The following PCSK5 variants were observed in gnomAD, a reference collection of about 807,000 sequenced individuals.
PCSK5 encodes proprotein convertase subtilisin/kexin type 5.
Under a neutral mutation model 233.2 loss-of-function variants are expected in PCSK5, and 129 were observed. The observed-to-expected ratio is 0.55, with a 90% CI of 0.48 to 0.64. The LOEUF (loss-of-function observed/expected upper bound fraction) is 0.64, where lower values mean the gene tolerates loss of function less well. Ranked by LOEUF, PCSK5 falls within the 30% of genes least tolerant of loss-of-function variation. The pLI is 0.00. For synonymous variants in PCSK5, 825 were observed against 879.2 expected, an observed-to-expected ratio of 0.94 and a Z score of 1.09; for missense variants, 2,076 against 2,430.1, an observed-to-expected ratio of 0.85 and a Z score of 3.06.
intron 3 of PCSK5, among the ~76,000 whole-genome samples, chr9:75,989,810 A>G (rs1304341344): frequency 2.0e-5 from 3 of 151,898 alleles, no homozygotes; most frequent in Non-Finnish European, 4.4e-5. Flanking sequence ...GAAGTCACAG[A>G]CCCTTATTTC....
intron 8 of PCSK5, among the ~76,000 whole-genome samples, chr9:76,102,195 T>C (rs1481465596): frequency 1.3e-5 from 2 of 152,208 alleles, no homozygotes; most frequent in African/African-American, 4.8e-5. Context: ...TTTTTTTCTT[T>C]TGCTGCTATT....
intron 10 of PCSK5, among the ~76,000 whole-genome samples, chr9:76,151,341 T>A (rs1157055385): frequency 6.6e-6 from 1 of 152,200 alleles, no homozygotes; most frequent in Admixed American, 6.5e-5. Context: ...CCTTTTATTC[T>A]GGTGGTTTAC....
chr9:76,097,310 A>G (rs1831573647), intron 8 of PCSK5, among the ~76,000 whole-genome samples: 1 of 112,148 alleles, frequency 8.9e-6, no homozygotes. Context: ...GGGACTGCGG[A>G]CTGCAGTGGC....
In PCSK5 at chr9:76,053,232, G is replaced by C. The variant is rs73454504; in HGVS notation, c.633-14723G>C. 2.3e-3 allele frequency among the ~76,000 whole-genome samples: 346 copies of C among 152,202 alleles called. 2 individuals are homozygous for C. Among genetic ancestry groups the C allele is most frequent in the African/African-American group, 7.9e-3 (328 of 41,542 alleles). On this transcript the variant is annotated intron_variant, in intron 5 of 37. Coordinates refer to ENST00000674117, the MANE Select transcript of PCSK5 (RefSeq NM_001372043.1). Reference sequence around the variant, plus strand: ...AGTGCCCCAGTAGGGACACTCTTTTGGGGGGGCTCCCACCCCACATTTCCC... The same window carrying C: ...AGTGCCCCAGTAGGGACACTCTTTTCGGGGGGCTCCCACCCCACATTTCCC...
intron 5 of PCSK5, among the ~76,000 whole-genome samples, chr9:76,054,964 T>C (rs1587558826): frequency 6.6e-6 from 1 of 152,242 alleles, no homozygotes; most frequent in Non-Finnish European, 1.5e-5. Flanking sequence ...TAGTGATCTA[T>C]TATTACTCAA....
At chr9:76,207,144 A>G (rs1825149869) in intron 20 of PCSK5, among the ~76,000 whole-genome samples, 1 of 152,088 alleles carries the variant, frequency 6.6e-6, no homozygotes, top group South Asian at 2.1e-4. Context: ...AACACTTGTG[A>G]TTATATTGGT....
intron 4 of PCSK5, among the ~76,000 whole-genome samples, chr9:76,025,400 G>GGA (rs34224740): frequency 1.5e-3 from 224 of 148,606 alleles, no homozygotes; most frequent in Middle Eastern, 3.5e-3. Flanking sequence ...AAAAAAATGA[G>GGA]GAGAGAGAGA....
At chr9:76,089,773 C>T (rs1181202096) in intron 7 of PCSK5, among the ~76,000 whole-genome samples, 1 of 152,142 alleles carries the variant, frequency 6.6e-6, no homozygotes, top group Non-Finnish European at 1.5e-5. Flanking sequence ...AATTTAGTTC[C>T]ATCATAGACT....
intron 24 of PCSK5, among the ~76,000 whole-genome samples, chr9:76,275,007 TC>T (rs1278664248): frequency 4.6e-5 from 7 of 152,018 alleles, no homozygotes; most frequent in African/African-American, 1.7e-4. Flanking sequence ...ACTCACTCAT[TC>T]CCAAGAGGAC....
chr9:75,998,566 C>A (rs1827123538), intron 3 of PCSK5, among the ~76,000 whole-genome samples: 1 of 152,158 alleles, frequency 6.6e-6, no homozygotes, highest in South Asian at 2.1e-4. Context: ...TGGGTGATTC[C>A]ACTCAAAAAC....
rs1344734425 is a variant in PCSK5 at position 76,362,364 on chromosome 9, T to G, written c.*3442T>G. On this transcript the variant is annotated 3_prime_UTR_variant, in exon 38 of 38. Transcript: ENST00000674117. ...AGATAATGCTATGGAGACTTACTTA[T>G]TAAATAACTTTCTGAGCATTTTTAT... The G allele has an allele frequency of 6.6e-6, 1 of 152,230 alleles. No homozygotes were observed. The highest frequency in any genetic ancestry group is 1.5e-5 in the Non-Finnish European group (1 of 68,042). The allele number at this position is 152,230 out of a possible 1,614,324, so 9.4% of individuals were successfully genotyped here. A position where few individuals can be genotyped will look rare whatever the true frequency, so the allele number is the denominator to read the frequency against.
chr9:75,894,094 T>G (rs1461804234), intron 1 of PCSK5, among the ~76,000 whole-genome samples: 1 of 152,170 alleles, frequency 6.6e-6, no homozygotes, highest in African/African-American at 2.4e-5. Flanking sequence ...GAATGTTCTG[T>G]TTTTTACCCA....
intron 24 of PCSK5, among the ~76,000 whole-genome samples, chr9:76,258,899 C>A (rs1827067071): frequency 6.6e-6 from 1 of 152,140 alleles, no homozygotes; most frequent in African/African-American, 2.4e-5. Flanking sequence ...TGCCATGGTG[C>A]ACGTGGCTAA....
rs143197087 is a variant in PCSK5, at chr9:76,181,469, A to G, written c.2075A>G (p.Asn692Ser). The change falls in exon 16 of 38, where the codon AAC (asparagine) becomes AGC (serine). Residue 692 changes from asparagine to serine, a missense_variant. By Grantham distance (46) the Asn-to-Ser change is conservative (BLOSUM62 1). Transcript: ENST00000674117. Reference sequence around the variant, plus strand: ...AAGCGCTGCAGGAAGTGTGCCCCCAACTGTGAGTCCTGCTTTGGGAGCCAT... The same window carrying G: ...AAGCGCTGCAGGAAGTGTGCCCCCAGCTGTGAGTCCTGCTTTGGGAGCCAT... ...DKKRCRKCAP[N>S]CESCFGSHGD... 1 of 1,613,892 alleles carries G rather than the reference A, an allele frequency of 6.2e-7. No individual in the cohort carries two copies. The highest frequency in any genetic ancestry group is 1.3e-5 in the African/African-American group (1 of 74,878).
rs181932152 is a variant in PCSK5, at chr9:76,348,788, C to T, written c.4967-2040C>T. 3.2e-3 allele frequency among the ~76,000 whole-genome samples: 481 copies of T among 152,046 alleles called. 3 individuals carry two copies. The highest frequency in any genetic ancestry group is 0.011 in the African/African-American group (462 of 41,462). ...CTTTATACCCTTTGACCAGCATCTCCCCAGTCCCCTCAGCCCCCCAGCCCC... is the reference window on the plus strand; with the variant it reads ...CTTTATACCCTTTGACCAGCATCTCTCCAGTCCCCTCAGCCCCCCAGCCCC... On this transcript the variant is annotated intron_variant, in intron 35 of 37. Coordinates refer to ENST00000674117, the MANE Select transcript of PCSK5 (RefSeq NM_001372043.1).
In PCSK5 at chr9:76,358,863, G is replaced by C. The variant is rs768105053; in HGVS notation, c.5605G>C (p.Asp1869His). ...CCGGAAATTTAAATATGGGCTGCTG[G>C]ATGACGATGACATAGATGAGCTGGA... ...VYRKFKYGLLDDDDIDELEYD... is the reference protein window; with the variant it reads ...VYRKFKYGLLHDDDIDELEYD... Residue 1869 changes from aspartate (D) to histidine (H), a missense_variant, in exon 38 of 38, where the codon GAT becomes CAT. Around this residue, in one of 6 missense-constraint regions of PCSK5, gnomAD observed 1,510 missense variants for 1,538.1 expected, o/e 0.98. Coordinates refer to ENST00000674117, the MANE Select transcript of PCSK5 (RefSeq NM_001372043.1). The C allele has an allele frequency of 1.2e-6, 2 of 1,612,886 alleles. No homozygotes were observed. Among genetic ancestry groups the C allele is most frequent in the Non-Finnish European group, 1.7e-6 (2 of 1,179,892 alleles).
intron 12 of PCSK5, among the ~76,000 whole-genome samples, chr9:76,165,462 G>T (rs766782581): frequency 1.1e-4 from 17 of 152,278 alleles, no homozygotes; most frequent in Non-Finnish European, 2.2e-4. Context: ...GGGAAATAAA[G>T]CTTACAGTAA....
At chr9:76,181,337 A>G in intron 15 of PCSK5, 61 bp from the exon 16 acceptor site, 2 of 1,431,044 alleles carry the variant, frequency 1.4e-6, no homozygotes, top group South Asian at 2.6e-5. Flanking sequence ...CACCTCCAAG[A>G]GAATGCTGGG....
chr9:76,229,855 CA>C (rs1461809802), intron 21 of PCSK5, among the ~76,000 whole-genome samples: 2 of 152,180 alleles, frequency 1.3e-5, no homozygotes, highest in Non-Finnish European at 2.9e-5. Context: ...CCCTTTCTTT[CA>C]GCCCTGTTTG....
Sources: gnomAD v4.1 joint callset for allele counts (sites outside exome capture counted in the v4.1 genomes callset) on GRCh38, gnomAD v4.1.1 for gene constraint, gnomAD v4.1.1 regional missense constraint, MANE v1.5 for transcripts, NCBI Gene and HGNC (gene_info 2026-07-23, HGNC 2026-07-21) for gene names.